The following NRXN3 variants were observed in gnomAD, a reference collection of about 807,000 sequenced individuals.
NRXN3 encodes the protein neurexin III.
NRXN3 carries 32 observed loss-of-function variants against 137.6 expected under a neutral mutation model. The observed-to-expected ratio is 0.23, with a 90% confidence interval of 0.18 to 0.31. The LOEUF is 0.31. Among genes scored for constraint, NRXN3 ranks in the 10% least tolerant of loss-of-function variants. The pLI is 1.00. For missense variants in NRXN3, 1,574 were observed against 2,062.5 expected (o/e 0.76, Z 4.59); for synonymous variants, 798 against 784.5 (o/e 1.02, Z -0.29).
intron 3 of NRXN3, among the ~76,000 whole-genome samples, chr14:78,282,832 CT>C (rs2153506487): frequency 6.6e-6 from 1 of 152,344 alleles, no homozygotes; most frequent in South Asian, 2.1e-4. Flanking sequence ...TTGGAGACAG[CT>C]CTAGTCTGAC....
chr14:78,847,097 G>A (rs937530966), intron 10 of NRXN3, among the ~76,000 whole-genome samples: 11 of 152,042 alleles, frequency 7.2e-5, no homozygotes, highest in African/African-American at 1.7e-4. Flanking sequence ...CACACCTTCC[G>A]TCTCTGCAGC....
chr14:79,361,559 A>T (rs2093681643), intron 15 of NRXN3, among the ~76,000 whole-genome samples: 1 of 152,116 alleles, frequency 6.6e-6, no homozygotes, highest in Non-Finnish European at 1.5e-5. Context: ...TCTATAAAAA[A>T]TATAAAAATT....
intron 1 of NRXN3, among the ~76,000 whole-genome samples, chr14:78,207,048 G>C (rs1480403834): frequency 1.3e-5 from 2 of 151,996 alleles, no homozygotes; most frequent in African/African-American, 4.8e-5. Context: ...GTTTTTAGTA[G>C]AGAAGGGGTT....
intron 16 of NRXN3, among the ~76,000 whole-genome samples, chr14:79,652,388 A>T (rs1163928533): frequency 7.1e-6 from 1 of 140,446 alleles, no homozygotes; most frequent in Non-Finnish European, 1.5e-5. Context: ...TGAGTTCACT[A>T]TAAACTCATG....
chr14:79,590,982 T>G (rs1327688031), intron 16 of NRXN3, among the ~76,000 whole-genome samples: 1 of 152,202 alleles, frequency 6.6e-6, no homozygotes, highest in Non-Finnish European at 1.5e-5. Flanking sequence ...CCCCTTCTTT[T>G]TCTCTCATTA....
intron 10 of NRXN3, among the ~76,000 whole-genome samples, chr14:78,839,282 C>T (rs1459342825): frequency 6.6e-6 from 1 of 151,992 alleles, no homozygotes. Context: ...GAGGGATGTG[C>T]CAAAGATCTT....
intron 4 of NRXN3, among the ~76,000 whole-genome samples, chr14:78,598,724 A>G (rs934843649): frequency 3.3e-5 from 5 of 152,236 alleles, no homozygotes; most frequent in African/African-American, 1.2e-4. Flanking sequence ...TAGTTGTAGC[A>G]GAGGGAGCCA....
At chr14:79,497,152 A>G (rs2096774822) in intron 16 of NRXN3, among the ~76,000 whole-genome samples, 1 of 152,210 alleles carries the variant, frequency 6.6e-6, no homozygotes, top group African/African-American at 2.4e-5. Context: ...TTCAATATAC[A>G]GTAGTTCACT....
At chr14:78,498,983 C>T (rs1352051780) in intron 4 of NRXN3, among the ~76,000 whole-genome samples, 3 of 152,070 alleles carry the variant, frequency 2.0e-5, no homozygotes, top group Non-Finnish European at 2.9e-5. Context: ...GTTAGCTTCT[C>T]TGTACCTTAG....
intron 8 of NRXN3, among the ~76,000 whole-genome samples, chr14:78,779,111 T>G (rs537371058): frequency 3.9e-5 from 6 of 152,156 alleles, no homozygotes; most frequent in Non-Finnish European, 8.8e-5. Flanking sequence ...GTATTACATA[T>G]AGGCTTCTAA....
At chr14:79,668,048 G>A (rs1205845490) in intron 17 of NRXN3, among the ~76,000 whole-genome samples, 4 of 152,012 alleles carry the variant, frequency 2.6e-5, no homozygotes, top group African/African-American at 9.7e-5. Context: ...GTGCTGAGGA[G>A]AGCAGGGCAT....
intron 15 of NRXN3, chr14:79,298,650 T>C (rs979508931): frequency 6.6e-6 from 1 of 152,140 alleles, no homozygotes; most frequent in African/African-American, 2.4e-5. Context: ...TTTTTTCTTC[T>C]AGCGTAATCA....
chr14:78,885,372 A>G (rs1308752348), intron 10 of NRXN3, among the ~76,000 whole-genome samples: 1 of 151,948 alleles, frequency 6.6e-6, no homozygotes, highest in African/African-American at 2.4e-5. Flanking sequence ...ATGTTGTATA[A>G]GGGGAGTGTT....
At chr14:79,807,877 C>T (rs1054566871) in intron 20 of NRXN3, among the ~76,000 whole-genome samples, 7 of 152,034 alleles carry the variant, frequency 4.6e-5, no homozygotes, top group Admixed American at 3.3e-4. Flanking sequence ...GGAAATACGT[C>T]AGTGGTATAT....
rs567283168 is a variant in NRXN3, at chr14:78,676,314, G to T, written c.1221+24988G>T. ...AGTTAGCCAAGCTGTAAAGGCAAAA[G>T]AAAAGTTCTTGAAGGAAATTAAAAG... On this transcript the variant is annotated intron_variant, in intron 6 of 20. Coordinates refer to ENST00000335750, the MANE Select transcript of NRXN3 (RefSeq NM_001330195.2). 2.8e-3 allele frequency among the ~76,000 whole-genome samples: 432 copies of T among 152,176 alleles called. 4 individuals are homozygous for T. The highest frequency in any genetic ancestry group is 5.4e-3 in the Admixed American group (82 of 15,266).
At chr14:78,789,079 G>A (rs1032806323) in intron 8 of NRXN3, among the ~76,000 whole-genome samples, 4 of 152,122 alleles carry the variant, frequency 2.6e-5, no homozygotes, top group Admixed American at 6.6e-5. Context: ...TAACATGTTT[G>A]CACAATAAAG....
At chr14:78,979,845 T>C (rs557937512) in intron 14 of NRXN3, among the ~76,000 whole-genome samples, 2 of 152,160 alleles carry the variant, frequency 1.3e-5, no homozygotes, top group East Asian at 3.9e-4. Flanking sequence ...CCATCAGATC[T>C]CATGAGACTT....
chr14:78,315,529 A>T (rs949809846), intron 4 of NRXN3, among the ~76,000 whole-genome samples: 1 of 152,220 alleles, frequency 6.6e-6, no homozygotes, highest in African/African-American at 2.4e-5. Flanking sequence ...CTTTAATAGA[A>T]GTATTTTGTT....
chr14:79,861,354 C>T lies in NRXN3; in HGVS notation c.4106C>T (p.Ser1369Phe), dbSNP rs1448224192. 2 of 1,536,104 alleles carry T rather than the reference C, an allele frequency of 1.3e-6. No individual in the cohort carries two copies. The highest frequency in any genetic ancestry group is 2.4e-5 in the East Asian group (1 of 40,908). ...TCCTTGGTAACAGATAAGAGTCTTT[C>T]CACTTCAATCTTCGAAGGTGGCTAC... ...ECEPSTDKSLSTSIFEGGYKA... is the reference protein window; with the variant it reads ...ECEPSTDKSLFTSIFEGGYKA... Residue 1369 changes from serine to phenylalanine, a missense_variant, in exon 21 of 21, where the codon TCC (serine) becomes TTC (phenylalanine). Coordinates refer to ENST00000335750, the MANE Select transcript of NRXN3 (RefSeq NM_001330195.2). This position sits in a 1 kb window ranked among gnomAD's most constrained non-coding sequence, Gnocchi z 5.4.
Sources: gnomAD v4.1 joint callset for allele counts (sites outside exome capture counted in the v4.1 genomes callset) on GRCh38, gnomAD v4.1.1 for gene constraint, Gnocchi (gnomAD v3.1) non-coding constraint, MANE v1.5 for transcripts, NCBI Gene and HGNC (gene_info 2026-07-23, HGNC 2026-07-21) for gene names.